CCDC187: variants seen among roughly 807,000 people sequenced by gnomAD.
CCDC187 encodes the protein coiled-coil domain containing 187, also known as coiled-coil domain-containing protein 187.
CCDC187 carries 32 observed loss-of-function variants against 38.0 expected under a neutral mutation model. The ratio of observed to expected loss-of-function variants is 0.84; its 90% CI spans 0.64 to 1.13. The LOEUF (loss-of-function observed/expected upper bound fraction) is 1.13. CCDC187 is among the 50% of genes most tolerant of loss of function. The probability of loss-of-function intolerance (pLI) is 0.00; values close to 1 mark genes in which losing one functional copy is unlikely to be tolerated. For synonymous variants in CCDC187, 333 were observed against 347.9 expected (o/e 0.96, Z 0.48); for missense variants, 707 against 786.8 (o/e 0.90, Z 1.21).
Position 136,257,960 on chromosome 9 carries a change from C to T in CCDC187, c.4366+972G>A, listed in dbSNP as rs557803119. ...CTCCTCCTCTGCTGCGTGGGCATAA[C>T]GAGTGAATCCACCTCCAGAGGCAAC... On this transcript the variant is annotated intron_variant, in intron 22 of 25. Transcript: ENST00000638797. This position sits in a 1 kb window ranked among gnomAD's most constrained non-coding sequence, Gnocchi z 4.5. Among the ~76,000 whole-genome samples, 8 of 152,326 alleles carry T rather than the reference C, an allele frequency of 5.3e-5. No homozygotes were observed. The highest frequency in any genetic ancestry group is 9.6e-5 in the African/African-American group (4 of 41,576).
chr9:136,300,752 A>G (rs1378021842), intron 2 of CCDC187, among the ~76,000 whole-genome samples: 2 of 152,104 alleles, frequency 1.3e-5, no homozygotes, highest in African/African-American at 4.8e-5. Context: ...CGCCTGCCAC[A>G]ACACCTGGCT....
chr9:136,299,119 G>A (rs989968832), intron 3 of CCDC187, among the ~76,000 whole-genome samples: 3 of 152,194 alleles, frequency 2.0e-5, no homozygotes, highest in Admixed American at 6.5e-5. Context: ...CCTGGAAGGC[G>A]GAGGAGGGAG....
In CCDC187 at chr9:136,290,490, G is replaced by T. The variant is rs1222287375; in HGVS notation, c.2123C>A (p.Ser708Tyr). The T allele has an allele frequency of 1.3e-5, 5 of 398,586 alleles. No homozygotes were observed. The highest frequency in any genetic ancestry group is 2.2e-5 in the Non-Finnish European group (5 of 226,156). 24.7% of individuals were successfully genotyped at this position (398,586 alleles called of 1,614,324 possible). ...CAACCCAACCCCAGCATGTACCCCG[G>T]ACTGTGCAGAACTGGGGACAAAGGT... ...IVTFVPSSAQSGGLEASGSLE... is the reference protein window; with the variant it reads ...IVTFVPSSAQYGGLEASGSLE... Residue 708 changes from serine to tyrosine, a missense_variant, in exon 6 of 26, where the codon TCC becomes TAC. Coordinates refer to ENST00000638797, the MANE Select transcript of CCDC187 (RefSeq NM_001378188.1).
chr9:136,273,692 C>G (rs1554762745), intron 14 of CCDC187, among the ~76,000 whole-genome samples: 1 of 152,242 alleles, frequency 6.6e-6, no homozygotes, highest in Non-Finnish European at 1.5e-5. Flanking sequence ...CTCCCCCCAG[C>G]AACAACAGAA....
At chr9:136,279,483 C>T (rs985122487) in intron 10 of CCDC187, among the ~76,000 whole-genome samples, 6 of 152,248 alleles carry the variant, frequency 3.9e-5, no homozygotes, top group African/African-American at 7.2e-5. Flanking sequence ...CCCCTTCAGG[C>T]TGCCCCTTCC....
chr9:136,281,132 G>A, intron 10 of CCDC187: 1 of 308,202 alleles, frequency 3.2e-6, no homozygotes, highest in Non-Finnish European at 5.9e-6. Context: ...CTCAAGCCCA[G>A]GGCTTCAGCA....
In CCDC187 at chr9:136,261,259, G is replaced by A. The variant is rs116561729; in HGVS notation, c.4065-995C>T. Among the ~76,000 whole-genome samples the A allele has an allele frequency of 3.2e-3, 485 of 152,256 alleles. 4 individuals are homozygous for A. The highest frequency in any genetic ancestry group is 0.011 in the African/African-American group (454 of 41,552). Reference sequence around the variant, plus strand: ...GAAGGAGGGAAGCGCACCTGCTCCCGTGTGGCAGGACCCCCAGCAAAACAC... The same window carrying A: ...GAAGGAGGGAAGCGCACCTGCTCCCATGTGGCAGGACCCCCAGCAAAACAC... On this transcript the variant is annotated intron_variant, in intron 19 of 25. Transcript: ENST00000638797.
At chr9:136,267,878 T>G (rs1454636618) in intron 15 of CCDC187, 171 bp downstream of exon 15, 1 of 985,270 alleles carries the variant, frequency 1.0e-6, no homozygotes, top group Admixed American at 6.1e-5. Context: ...AGGAACGGGC[T>G]TGGGTAGCTG....
At chr9:136,272,717 A>C (rs1830860783) in intron 14 of CCDC187, among the ~76,000 whole-genome samples, 1 of 151,728 alleles carries the variant, frequency 6.6e-6, no homozygotes, top group Non-Finnish European at 1.5e-5. Context: ...AAAAAAAAAA[A>C]ACAAAAACTA....
intron 4 of CCDC187, chr9:136,296,576 G>C (rs1164339041): frequency 6.6e-6 from 1 of 152,346 alleles, no homozygotes; most frequent in Non-Finnish European, 1.5e-5. Flanking sequence ...GGAACCAGGA[G>C]GCTGCAGTGA....
In CCDC187 at chr9:136,256,323, G is replaced by A. The variant is rs550671663; in HGVS notation, c.4504C>T (p.Gln1502Ter). The A allele has an allele frequency of 2.0e-6, 2 of 984,934 alleles. No individual in the cohort carries two copies. The highest frequency in any genetic ancestry group is 2.3e-4 in the East Asian group (2 of 8,818). The allele number at this position is 984,934 out of a possible 1,614,324, so 61.0% of individuals were successfully genotyped here. A position where few individuals can be genotyped will look rare whatever the true frequency, so the allele number is the denominator to read the frequency against. Residue 1502 changes from glutamine (Q) to a stop codon, truncating the protein, a stop_gained and splice_region_variant, in exon 24 of 26, where the codon CAG becomes TAG. Transcript: ENST00000638797. LOFTEE classifies it high-confidence loss of function. ...TCGCTCATGCTGTCCTCAGCCACCT[G>A]CTGGAGAGACGTTGCAGAAATGACA... ...EGPCGPQEAS[Q>*]VAEDSMSEEG...
At chr9:136,270,853 C>T (rs1554762305) in intron 14 of CCDC187, among the ~76,000 whole-genome samples, 1 of 152,196 alleles carries the variant, frequency 6.6e-6, no homozygotes, top group Non-Finnish European at 1.5e-5. Context: ...CTCACAATGT[C>T]CCTTCAGACC....
At position 136,254,091 on chromosome 9, in the gene CCDC187, C is replaced by T. The variant is rs75551002; in HGVS notation, c.5737G>A (p.Glu1913Lys). The T allele has an allele frequency of 0.046, 45,061 of 985,446 alleles. 1,131 individuals are homozygous for T. The highest frequency in any genetic ancestry group is 0.061 in the Middle Eastern group (116 of 1,916). The allele number at this position is 985,446 out of a possible 1,614,324, so 61.0% of individuals were successfully genotyped here. The change falls in exon 26 of 26, where the codon GAG becomes AAG. Residue 1913 changes from glutamate to lysine, a missense_variant. By Grantham distance (56) the Glu-to-Lys change is moderately conservative (BLOSUM62 1). Coordinates refer to ENST00000638797, the MANE Select transcript of CCDC187 (RefSeq NM_001378188.1). ...CTCGGGTCAGCATCCCGGGTTCCCT[C>T]CTGGTAGCCAGAAGTCTCTCCTCCT... The part of the protein sequence containing the change: ...GKGGETSGYQ[E>K]GTRDADPSPS...
chr9:136,280,405 G>C (rs1423480651), intron 10 of CCDC187, among the ~76,000 whole-genome samples: 1 of 152,172 alleles, frequency 6.6e-6, no homozygotes, highest in Non-Finnish European at 1.5e-5. Context: ...AGTCTCCCAG[G>C]GGAGGGGCCG....
At chr9:136,300,384 G>C in intron 2 of CCDC187, 66 bp from the exon 3 acceptor site, 1 of 397,654 alleles carries the variant, frequency 2.5e-6, no homozygotes, top group African/African-American at 2.1e-5. Flanking sequence ...TCCAAGAAAA[G>C]GTTCCAGTTT....
intron 24 of CCDC187, 44 bp downstream of exon 24, chr9:136,256,167 G>A (rs1410011968): frequency 8.4e-6 from 8 of 953,066 alleles, no homozygotes; most frequent in Middle Eastern, 5.4e-4. Flanking sequence ...ACCCGTCTCC[G>A]TGCCTCACGC....
Position 136,267,453 on chromosome 9 carries a change from A to G in CCDC187, c.3578T>C (p.Leu1193Pro). 1 of 985,640 alleles carries G rather than the reference A, an allele frequency of 1.0e-6. No homozygotes were observed. Among genetic ancestry groups the G allele is most frequent in the Non-Finnish European group, 1.2e-6 (1 of 830,076 alleles). 61.1% of individuals were successfully genotyped at this position (985,640 alleles called of 1,614,324 possible). The change falls in exon 16 of 26, where the codon CTG becomes CCG. Residue 1193 changes from leucine to proline, a missense_variant. Coordinates refer to ENST00000638797, the MANE Select transcript of CCDC187 (RefSeq NM_001378188.1). ...CTGGAGCGCCATCTCTCGCAGGCGC[A>G]GCAGCGCGGCCTGGTGCTGTGCTCG... ...ELRAQHQAAL[L>P]RLREMALQEK...
chr9:136,267,347 CGGCGG>C, intron 16 of CCDC187, 32 bp downstream of exon 16: 5 of 951,790 alleles, frequency 5.3e-6, no homozygotes, highest in Non-Finnish European at 6.1e-6. Flanking sequence ...GGCGGGGCTA[CGGCGG>C]GGCGGGGCCG....
chr9:136,298,609 A>G (rs984376664), intron 3 of CCDC187, among the ~76,000 whole-genome samples: 29 of 152,368 alleles, frequency 1.9e-4, no homozygotes, highest in African/African-American at 7.0e-4. Flanking sequence ...CTGGGCCTCC[A>G]AACGCCACTT....
Sources: gnomAD v4.1 joint callset for allele counts (sites outside exome capture counted in the v4.1 genomes callset) on GRCh38, gnomAD v4.1.1 for gene constraint, Gnocchi (gnomAD v3.1) non-coding constraint, MANE v1.5 for transcripts, NCBI Gene and HGNC (gene_info 2026-07-23, HGNC 2026-07-21) for gene names.